The following PPIG variants were observed in gnomAD, a reference collection of about 807,000 sequenced individuals.
PPIG encodes the protein peptidyl-prolyl cis-trans isomerase G.
Under a neutral mutation model 87.9 loss-of-function variants are expected in PPIG, and 26 were observed. That is an observed-to-expected ratio of 0.30 (90% CI 0.22 to 0.41). PPIG has a LOEUF of 0.41. Ranked by LOEUF, PPIG falls within the 10% of genes least tolerant of loss-of-function variation. PPIG has a pLI of 1.00. For synonymous variants in PPIG, 308 were observed against 276.5 expected (o/e 1.11, Z -1.13); for missense variants, 722 against 879.4 (o/e 0.82, Z 2.26).
intron 1 of PPIG, among the ~76,000 whole-genome samples, chr2:169,588,042 G>A (rs1407016027): frequency 1.3e-5 from 2 of 152,098 alleles, no homozygotes; most frequent in Non-Finnish European, 1.5e-5. Context: ...GTGCATGCCT[G>A]TAATCCCAAC....
intron 9 of PPIG, among the ~76,000 whole-genome samples, chr2:169,630,474 G>A (rs1347963796): frequency 6.6e-6 from 1 of 152,094 alleles, no homozygotes; most frequent in African/African-American, 2.4e-5. Flanking sequence ...ACTCTTCATT[G>A]TTATTCTGTG....
chr2:169,633,093 A>C, intron 11 of PPIG, 67 bp from the exon 12 acceptor site: 3 of 1,221,074 alleles, frequency 2.5e-6, no homozygotes, highest in Non-Finnish European at 3.6e-6. Flanking sequence ...ATTTTTATTA[A>C]AGTAACATGT....
intron 7 of PPIG, among the ~76,000 whole-genome samples, chr2:169,612,065 T>C (rs1012403433): frequency 5.9e-5 from 9 of 152,140 alleles, no homozygotes; most frequent in Admixed American, 5.9e-4. Context: ...GGCCTCAAAC[T>C]CCTAGGCTCA....
chr2:169,634,480 C>A (rs746199233), intron 12 of PPIG, among the ~76,000 whole-genome samples: 129 of 152,230 alleles, frequency 8.5e-4, no homozygotes, highest in African/African-American at 2.9e-3. Context: ...AAATTTTTAT[C>A]GGCATTTTTC....
At position 169,606,028 on chromosome 2, in the gene PPIG, T is replaced by A. The variant is rs748318457; in HGVS notation, c.137-11T>A. Reference sequence around the variant, plus strand: ...CTTTCTATTAAATGTCCTATTTTTTTATCTCTATAGGTGAAAAGGGGACCG... The same window carrying A: ...CTTTCTATTAAATGTCCTATTTTTTAATCTCTATAGGTGAAAAGGGGACCG... On this transcript the variant is annotated splice_polypyrimidine_tract_variant and intron_variant, in intron 4 of 13. Transcript: ENST00000260970. The A allele has an allele frequency of 1.6e-5, 25 of 1,570,826 alleles. No homozygotes were observed. Among genetic ancestry groups the A allele is most frequent in the Admixed American group, 3.5e-5 (2 of 57,430 alleles).
intron 1 of PPIG, among the ~76,000 whole-genome samples, chr2:169,600,961 A>T (rs1287119329): frequency 6.6e-6 from 1 of 152,170 alleles, no homozygotes; most frequent in Non-Finnish European, 1.5e-5. Context: ...AAGGCCCCCA[A>T]TGACTTCCAT....
At chr2:169,598,106 T>A (rs996599013) in intron 1 of PPIG, among the ~76,000 whole-genome samples, 2 of 150,824 alleles carry the variant, frequency 1.3e-5, no homozygotes, top group African/African-American at 4.9e-5. Flanking sequence ...GCCCAAATGA[T>A]CCTCCTGCCT....
chr2:169,610,798 T>C (rs1360636526), intron 7 of PPIG, among the ~76,000 whole-genome samples: 1 of 152,238 alleles, frequency 6.6e-6, no homozygotes, highest in East Asian at 1.9e-4. Flanking sequence ...CATAACAGTT[T>C]ATAGAGATCA....
In PPIG at chr2:169,637,052, C is replaced by T; in HGVS notation, c.1794C>T (p.Tyr598=). The change falls in exon 14 of 14, where the codon TAC becomes TAT. Residue 598 remains tyrosine, a synonymous_variant. Coordinates refer to ENST00000260970, the MANE Select transcript of PPIG (RefSeq NM_004792.3). ...ACCATAGATACAGAGAACAGGAATA[C>T]AGGAGAAGAGGACGGTCACGAAGCC... ...KEYHRYREQE[Y]RRRGRSRSRE... 1 of 1,613,506 alleles carries T rather than the reference C, an allele frequency of 6.2e-7. No individual in the cohort carries two copies. The highest frequency in any genetic ancestry group is 8.5e-7 in the Non-Finnish European group (1 of 1,179,852).
chr2:169,631,981 T>G, intron 11 of PPIG, 48 bp downstream of exon 11: 1 of 1,397,264 alleles, frequency 7.2e-7, no homozygotes, highest in Non-Finnish European at 9.4e-7. Context: ...CATAGAACTT[T>G]TCTTTTTAAA....
intron 10 of PPIG, 176 bp from the exon 11 acceptor site, chr2:169,631,590 A>T: frequency 1.5e-6 from 2 of 1,369,780 alleles, no homozygotes; most frequent in South Asian, 1.9e-5. Context: ...TTGTTTTTTG[A>T]TTGGTTAGTT....
chr2:169,588,544 A>G (rs1653903097), intron 1 of PPIG, among the ~76,000 whole-genome samples: 1 of 152,186 alleles, frequency 6.6e-6, no homozygotes, highest in Non-Finnish European at 1.5e-5. Flanking sequence ...TTATTTTTTT[A>G]CGTAGGAATT....
Position 169,637,726 on chromosome 2 carries a change from ACT to A in PPIG, c.*205_*206del, listed in dbSNP as rs1686222146. 2 of 520,350 alleles carry A rather than the reference ACT, an allele frequency of 3.8e-6. No individual in the cohort carries two copies. 32.2% of individuals were successfully genotyped at this position (520,350 alleles called of 1,614,324 possible). ...ATTTGTACTGCTAAAGTTTTAATAA[ACT>A]CGACATGAGAAAAACACTTTGGTGT... On this transcript the variant is annotated 3_prime_UTR_variant, in exon 14 of 14. Coordinates refer to ENST00000260970, the MANE Select transcript of PPIG (RefSeq NM_004792.3).
In PPIG at chr2:169,601,800, C is replaced by G. The variant is rs558906829; in HGVS notation, c.-69-1842C>G. ...ATTTAGAGCCGTATAATTGAAATTA[C>G]AGTAGCCACAAGCCACATGTGCTTT... On this transcript the variant is annotated intron_variant, in intron 1 of 13. Coordinates refer to ENST00000260970, the MANE Select transcript of PPIG (RefSeq NM_004792.3). Among the ~76,000 whole-genome samples the G allele has an allele frequency of 1.3e-4, 20 of 152,112 alleles. No individual in the cohort carries two copies. In the South Asian group the frequency reaches 3.3e-3, roughly 25 times the overall value.
At chr2:169,604,647 G>C (rs1303283378) in intron 4 of PPIG, among the ~76,000 whole-genome samples, 1 of 151,780 alleles carries the variant, frequency 6.6e-6, no homozygotes, top group Non-Finnish European at 1.5e-5. Context: ...AGGCCGAGGG[G>C]GGTGGCTCAC....
intron 9 of PPIG, among the ~76,000 whole-genome samples, chr2:169,618,861 AT>A (rs951215434): frequency 8.2e-5 from 12 of 145,576 alleles, no homozygotes; most frequent in African/African-American, 3.1e-4. Context: ...TGTTTCTCTT[AT>A]TTCCTTCGGT....
chr2:169,631,812 T>A lies in PPIG; in HGVS notation c.808T>A (p.Ser270Thr). 1 of 1,613,786 alleles carries A rather than the reference T, an allele frequency of 6.2e-7. No homozygotes were observed. Among genetic ancestry groups the A allele is most frequent in the Non-Finnish European group, 8.5e-7 (1 of 1,179,776 alleles). Residue 270 changes from serine (S) to threonine (T), a missense_variant, in exon 11 of 14, where the codon TCT (serine) becomes ACT (threonine). Ser to Thr is a moderately conservative substitution (Grantham distance 58). Coordinates refer to ENST00000260970, the MANE Select transcript of PPIG (RefSeq NM_004792.3). ...EAENLEAQPQ[S>T]TVRPEEIPPI... ...TGAAAATCTTGAAGCACAACCCCAG[T>A]CTACTGTCCGTCCAGAAGAGATCCC...
intron 1 of PPIG, among the ~76,000 whole-genome samples, chr2:169,587,824 T>A (rs1039897111): frequency 2.0e-5 from 3 of 152,162 alleles, no homozygotes; most frequent in African/African-American, 7.2e-5. Flanking sequence ...ATAACACTTA[T>A]AAACACCAAT....
At chr2:169,585,292 C>T (rs1188907788) in intron 1 of PPIG, among the ~76,000 whole-genome samples, 4 of 33,242 alleles carry the variant, frequency 1.2e-4, no homozygotes, top group Non-Finnish European at 1.8e-4. Context: ...GACGGAGTCT[C>T]GCTCTGTCGC....
Sources: allele counts gnomAD v4.1 joint callset (sites outside exome capture counted in the v4.1 genomes callset), GRCh38; gene constraint gnomAD v4.1.1; transcripts MANE v1.5; gene names NCBI Gene and HGNC (gene_info 2026-07-23, HGNC 2026-07-21).